The following EFHD2 variants were observed in gnomAD, a reference collection of about 807,000 sequenced individuals.
EFHD2 encodes the protein EF-hand domain-containing protein D2.
EFHD2 carries 12 observed loss-of-function variants against 20.3 expected under a neutral mutation model. That is an observed-to-expected ratio of 0.59 (90% CI 0.38 to 0.96). EFHD2 has a LOEUF of 0.96. EFHD2 is among the 40% of genes least tolerant of loss of function. The pLI is 0.00. For synonymous variants in EFHD2, 131 were observed against 143.9 expected (o/e 0.91, Z 0.64); for missense variants, 250 against 334.3 (o/e 0.75, Z 1.97).
rs750052967 is a variant in EFHD2, at chr1:15,426,890, C to T, written c.457-260C>T. On this transcript the variant is annotated intron_variant, in intron 2 of 3. Transcript: ENST00000375980. This position sits in a 1 kb window ranked among gnomAD's most constrained non-coding sequence, Gnocchi z 4.6. ...AAGAGGTAGGCTGAGGCCGTGTCGT[C>T]GGGAGCTGGTGTGGGCGGGTCAGGG... is the stretch of plus-strand genomic sequence containing the variant. Among the ~76,000 whole-genome samples, 2 of 152,124 alleles carry T rather than the reference C, an allele frequency of 1.3e-5. No individual in the cohort carries two copies. The highest frequency in any genetic ancestry group is 2.9e-5 in the Non-Finnish European group (2 of 68,000).
At chr1:15,410,416 T>C (rs1570757177) in intron 1 of EFHD2, 137 bp downstream of exon 1, 1 of 1,114,676 alleles carries the variant, frequency 9.0e-7, no homozygotes, top group South Asian at 1.7e-5. Context: ...CGCACCGGGG[T>C]TGGGGACCCG....
At chr1:15,428,558 C>G in intron 3 of EFHD2, 35 bp from the exon 4 acceptor site, 1 of 1,604,742 alleles carries the variant, frequency 6.2e-7, no homozygotes, top group Non-Finnish European at 8.5e-7. Flanking sequence ...CATACACCAT[C>G]CAGCCCTGAC....
At chr1:15,419,529 G>C (rs1707752099) in intron 1 of EFHD2, among the ~76,000 whole-genome samples, 1 of 129,184 alleles carries the variant, frequency 7.7e-6, no homozygotes. Context: ...AGGAAAAAGA[G>C]AGGGGCCAGG....
rs532612685 is a variant in EFHD2 at position 15,410,337 on chromosome 1, A to G, written c.308+58A>G. 3.9e-5 allele frequency: 56 copies of G among 1,451,188 alleles called. No homozygotes were observed. The African/African-American group carries it at 6.6e-4, about 17-fold the overall frequency. 89.9% of individuals were successfully genotyped at this position (1,451,188 alleles called of 1,614,324 possible). A position where few individuals can be genotyped will look rare whatever the true frequency, so the allele number is the denominator to read the frequency against. On this transcript the variant is annotated intron_variant, in intron 1 of 3. Coordinates refer to ENST00000375980, the MANE Select transcript of EFHD2 (RefSeq NM_024329.6). The stretch of plus-strand genomic sequence containing the variant: ...CCCCGCGACCCGGTCTCGGGCCCCG[A>G]ACCCCCCGATCCCCGGATCCCGCTC...
Position 15,429,731 on chromosome 1 carries a change from C to T in EFHD2, c.*1007C>T, listed in dbSNP as rs902038509. On this transcript the variant is annotated 3_prime_UTR_variant, in exon 4 of 4. Coordinates refer to ENST00000375980, the MANE Select transcript of EFHD2 (RefSeq NM_024329.6). ...TCCTTCCCCAAGTGACGTCCACTGCCTTGTCACCAGCGACCTGCCTGTCAT... is the reference window on the plus strand; with the variant it reads ...TCCTTCCCCAAGTGACGTCCACTGCTTTGTCACCAGCGACCTGCCTGTCAT... 10 of 152,792 alleles carry T rather than the reference C, an allele frequency of 6.5e-5. No homozygotes were observed. Among genetic ancestry groups the T allele is most frequent in the African/African-American group, 2.4e-4 (10 of 41,444 alleles). 9.5% of individuals were successfully genotyped at this position (152,792 alleles called of 1,614,324 possible).
intron 1 of EFHD2, among the ~76,000 whole-genome samples, chr1:15,414,328 G>A (rs1389643373): frequency 6.6e-6 from 1 of 152,198 alleles, no homozygotes; most frequent in African/African-American, 2.4e-5. Flanking sequence ...ACCTCCAGGG[G>A]ACACACCTCT....
At position 15,426,928 on chromosome 1, in the gene EFHD2, A is replaced by G. The variant is rs1014258025; in HGVS notation, c.457-222A>G. Among the ~76,000 whole-genome samples the G allele has an allele frequency of 3.3e-5, 5 of 152,166 alleles. No homozygotes were observed. The highest frequency in any genetic ancestry group is 1.2e-4 in the African/African-American group (5 of 41,444). On this transcript the variant is annotated intron_variant, in intron 2 of 3. Transcript: ENST00000375980. The surrounding 1 kb of genome is among the most constrained non-coding windows in gnomAD (Gnocchi z 4.6). ...GGGCGGGTCAGGGCTGCAGTAGGCCAGCATCCTGGGTGGCAGATGAGTCAT... is the reference window on the plus strand; with the variant it reads ...GGGCGGGTCAGGGCTGCAGTAGGCCGGCATCCTGGGTGGCAGATGAGTCAT...
chr1:15,429,458 TGC>T lies in EFHD2; in HGVS notation c.*735_*736del, dbSNP rs1707930450. 6.6e-6 allele frequency: 1 copy of T among 151,970 alleles called. No individual in the cohort carries two copies. Among genetic ancestry groups the T allele is most frequent in the African/African-American group, 2.4e-5 (1 of 41,108 alleles). 9.4% of individuals were successfully genotyped at this position (151,970 alleles called of 1,614,324 possible). A position where few individuals can be genotyped will look rare whatever the true frequency, so the allele number is the denominator to read the frequency against. ...TCACAGGCCCACCCCCTGCCGGGCATGCCGTGGGATCATGGGCAGGGAAGGCT... is the reference window on the plus strand; with the variant it reads ...TCACAGGCCCACCCCCTGCCGGGCATCGTGGGATCATGGGCAGGGAAGGCT... On this transcript the variant is annotated 3_prime_UTR_variant, in exon 4 of 4. Transcript: ENST00000375980.
chr1:15,428,987 A>C lies in EFHD2; in HGVS notation c.*263A>C. On this transcript the variant is annotated 3_prime_UTR_variant, in exon 4 of 4. Transcript: ENST00000375980. ...CCTGGCAATCCCTGGGCTCTCTTGC[A>C]CCCCTAACTGCCCCCTGCCTGCTCC... The C allele has an allele frequency of 2.2e-6, 1 of 461,650 alleles. No individual in the cohort carries two copies. The highest frequency in any genetic ancestry group is 3.9e-6 in the Non-Finnish European group (1 of 253,622). The allele number at this position is 461,650 out of a possible 1,614,324, so 28.6% of individuals were successfully genotyped here.
rs1015484166 is a variant in EFHD2, at chr1:15,429,479, G to A, written c.*755G>A. Reference sequence around the variant, plus strand: ...GGCATGCCGTGGGATCATGGGCAGGGAAGGCTCTGGGGGTCGGAGACACCG... The same window carrying A: ...GGCATGCCGTGGGATCATGGGCAGGAAAGGCTCTGGGGGTCGGAGACACCG... On this transcript the variant is annotated 3_prime_UTR_variant, in exon 4 of 4. Transcript: ENST00000375980. The A allele has an allele frequency of 6.6e-6, 1 of 152,492 alleles. No homozygotes were observed. The highest frequency in any genetic ancestry group is 2.4e-5 in the African/African-American group (1 of 41,376). The allele number at this position is 152,492 out of a possible 1,614,324, so 9.4% of individuals were successfully genotyped here. A position where few individuals can be genotyped will look rare whatever the true frequency, so the allele number is the denominator to read the frequency against.
intron 1 of EFHD2, among the ~76,000 whole-genome samples, chr1:15,419,853 G>A (rs879914339): frequency 2.0e-5 from 3 of 152,166 alleles, no homozygotes; most frequent in Non-Finnish European, 2.9e-5. Flanking sequence ...GGCACCATGA[G>A]AGTAGCCCCT....
At chr1:15,411,662 A>G (rs2103268876) in intron 1 of EFHD2, among the ~76,000 whole-genome samples, 1 of 152,242 alleles carries the variant, frequency 6.6e-6, no homozygotes, top group East Asian at 1.9e-4. Flanking sequence ...AAGGGGATAG[A>G]ACTGGCCTGA....
At chr1:15,410,576 C>G (rs1707467355) in intron 1 of EFHD2, among the ~76,000 whole-genome samples, 1 of 152,196 alleles carries the variant, frequency 6.6e-6, no homozygotes, top group South Asian at 2.1e-4. Context: ...AGGCTTCCTT[C>G]CAGATAATCG....
chr1:15,410,391 T>G, intron 1 of EFHD2, 112 bp downstream of exon 1: 5 of 1,313,826 alleles, frequency 3.8e-6, no homozygotes, highest in Non-Finnish European at 5.1e-6. Flanking sequence ...TCAGCCAAGC[T>G]TCCCCGAACC....
chr1:15,427,900 G>A (rs1707900367), intron 3 of EFHD2: 1 of 469,554 alleles, frequency 2.1e-6, no homozygotes, highest in African/African-American at 2.0e-5. Context: ...TTCATCAGTG[G>A]AACTGGGTGT....
At position 15,426,127 on chromosome 1, in the gene EFHD2, A is replaced by G. The variant is rs546731809; in HGVS notation, c.456+109A>G. 3 of 1,202,050 alleles carry G rather than the reference A, an allele frequency of 2.5e-6. No individual in the cohort carries two copies. The highest frequency in any genetic ancestry group is 3.5e-5 in the Admixed American group (1 of 28,918). The allele number at this position is 1,202,050 out of a possible 1,614,324, so 74.5% of individuals were successfully genotyped here. ...TTGTCAATGAATGAATGACATTGCC[A>G]TTGAACAGCAGCTGTGAGCAGCTGC... On this transcript the variant is annotated intron_variant, in intron 2 of 3. Coordinates refer to ENST00000375980, the MANE Select transcript of EFHD2 (RefSeq NM_024329.6). The surrounding 1 kb of genome is among the most constrained non-coding windows in gnomAD (Gnocchi z 4.6).
chr1:15,425,586 G>A (rs1246628000), intron 1 of EFHD2, among the ~76,000 whole-genome samples: 1 of 151,988 alleles, frequency 6.6e-6, no homozygotes, highest in East Asian at 1.9e-4. Context: ...AGCACACGGA[G>A]CCTGTCATTT....
At chr1:15,422,479 C>A (rs549507483) in intron 1 of EFHD2, among the ~76,000 whole-genome samples, 6 of 152,234 alleles carry the variant, frequency 3.9e-5, no homozygotes, top group South Asian at 4.1e-4. Context: ...GCATCCCCCC[C>A]ACCTCCGCCG....
chr1:15,410,586 G>T (rs1481475814), intron 1 of EFHD2, among the ~76,000 whole-genome samples: 2 of 151,926 alleles, frequency 1.3e-5, no homozygotes, highest in African/African-American at 4.8e-5. Context: ...CCAGATAATC[G>T]CCAGGCCCCG....
Sources: gnomAD v4.1 joint callset for allele counts (sites outside exome capture counted in the v4.1 genomes callset) on GRCh38, gnomAD v4.1.1 for gene constraint, Gnocchi (gnomAD v3.1) non-coding constraint, MANE v1.5 for transcripts, NCBI Gene and HGNC (gene_info 2026-07-23, HGNC 2026-07-21) for gene names.